The following KHDRBS2 variants were observed in gnomAD, a reference collection of about 807,000 sequenced individuals.
KHDRBS2 encodes the protein KH RNA binding domain containing, signal transduction associated 2, also known as KH domain-containing, RNA-binding, signal transduction-associated protein 2.
Under a neutral mutation model 44.3 loss-of-function variants are expected in KHDRBS2, and 26 were observed. The observed-to-expected ratio is 0.59, with a 90% CI of 0.43 to 0.81. The LOEUF (loss-of-function observed/expected upper bound fraction) is 0.81. Among genes scored for constraint, KHDRBS2 ranks in the 40% least tolerant of loss-of-function variants. The probability of loss-of-function intolerance (pLI) is 0.00; values close to 1 mark genes in which losing one functional copy is unlikely to be tolerated. For missense variants in KHDRBS2, 476 were observed against 433.1 expected, an observed-to-expected ratio of 1.10 and a Z score of -0.88; for synonymous variants, 194 against 151.1, an observed-to-expected ratio of 1.28 and a Z score of -2.08.
chr6:61,652,545 A>C, the KHDRBS2 span, among the ~76,000 whole-genome samples: 9 of 152,228 alleles, frequency 5.9e-5, no homozygotes, highest in Middle Eastern at 3.4e-3. Context: ...CTATGAAGGA[A>C]ATGAACAGGT....
intron 7 of KHDRBS2, among the ~76,000 whole-genome samples, chr6:61,700,749 A>G (rs913983436): frequency 2.0e-5 from 3 of 151,134 alleles, no homozygotes; most frequent in African/African-American, 7.3e-5. Flanking sequence ...CTCAGTTGGT[A>G]GAAGGCATTC....
At chr6:61,731,053 A>T (rs1053734164) in intron 7 of KHDRBS2, among the ~76,000 whole-genome samples, 2 of 151,986 alleles carry the variant, frequency 1.3e-5, no homozygotes, top group Non-Finnish European at 2.9e-5. Context: ...GTCTATTCTA[A>T]TTGTGTTTGT....
At chr6:61,718,312 C>A (rs1021721661) in intron 7 of KHDRBS2, among the ~76,000 whole-genome samples, 2 of 152,026 alleles carry the variant, frequency 1.3e-5, no homozygotes, top group Non-Finnish European at 2.9e-5. Context: ...ACTGTATATT[C>A]TTTCTTTTGC....
rs1219944314 is a variant in KHDRBS2, at chr6:61,947,677, GA to G, written c.483+30388del. Among the ~76,000 whole-genome samples the G allele has an allele frequency of 9.2e-5, 14 of 151,454 alleles. No homozygotes were observed. The East Asian group carries it at 1.7e-3, about 19-fold the overall frequency. ...AAGGGTTTTAAATAAAGACATACAA[GA>G]AAAAAAAGTAGTGTGAATTTTCAGC... On this transcript the variant is annotated intron_variant, in intron 4 of 8. Transcript: ENST00000281156.
At chr6:61,959,392 C>T (rs1502937) in intron 4 of KHDRBS2, among the ~76,000 whole-genome samples, 8,777 of 152,152 alleles carry the variant, frequency 0.058, 296 homozygotes, top group Middle Eastern at 0.14. Flanking sequence ...TAAAATGATC[C>T]ACCACACACT....
intron 1 of KHDRBS2, among the ~76,000 whole-genome samples, chr6:62,179,945 G>A (rs556214888): frequency 6.6e-6 from 1 of 151,784 alleles, no homozygotes; most frequent in Non-Finnish European, 1.5e-5. Flanking sequence ...ATCAATACTT[G>A]TATTTGTCAA....
intron 6 of KHDRBS2, among the ~76,000 whole-genome samples, chr6:61,845,317 T>G (rs1794229008): frequency 2.0e-5 from 3 of 150,798 alleles, no homozygotes; most frequent in South Asian, 4.2e-4. Context: ...TTGTTTTTTT[T>G]TTTTTTTTTT....
At position 62,252,078 on chromosome 6, in the gene KHDRBS2, G is replaced by T. The variant is rs201774416; in HGVS notation, c.91+33780C>A. Among the ~76,000 whole-genome samples the T allele has an allele frequency of 4.6e-5, 7 of 151,882 alleles. No individual in the cohort carries two copies. In the East Asian group the frequency reaches 9.7e-4, roughly 21 times the overall value. ...TAATATTTATTGACTAAATTTATGA[G>T]GAGAGGTATAATAAAATTTTTAGAA... is the stretch of plus-strand genomic sequence containing the variant. On this transcript the variant is annotated intron_variant, in intron 1 of 8. Coordinates refer to ENST00000281156, the MANE Select transcript of KHDRBS2 (RefSeq NM_152688.4).
At chr6:62,102,685 C>T (rs558603357) in intron 2 of KHDRBS2, among the ~76,000 whole-genome samples, 3 of 152,288 alleles carry the variant, frequency 2.0e-5, no homozygotes, top group African/African-American at 7.2e-5. Context: ...TGCCAGGCAC[C>T]AGCAGAGGGT....
Position 62,065,713 on chromosome 6 carries a change from G to C in KHDRBS2, c.220-17719C>G, listed in dbSNP as rs930286907. On this transcript the variant is annotated intron_variant, in intron 2 of 8. Transcript: ENST00000281156. ...ACGAGTTAGTGGGTGCAGCGCACCA[G>C]CATGGCACATGTATACATATGTAAC... 2.0e-5 allele frequency among the ~76,000 whole-genome samples: 3 copies of C among 149,238 alleles called. No homozygotes were observed. The South Asian group carries it at 6.5e-4, about 32-fold the overall frequency.
the KHDRBS2 span, among the ~76,000 whole-genome samples, chr6:61,631,972 A>G: frequency 1.3e-5 from 2 of 152,174 alleles, no homozygotes; most frequent in African/African-American, 4.8e-5. Context: ...TGATGTAAAT[A>G]TAGATTTTGA....
chr6:62,253,756 G>A (rs980783277), intron 1 of KHDRBS2, among the ~76,000 whole-genome samples: 2 of 152,070 alleles, frequency 1.3e-5, no homozygotes, highest in Non-Finnish European at 1.5e-5. Context: ...ATCTGACCCT[G>A]AGGCCCAAAT....
the KHDRBS2 span, among the ~76,000 whole-genome samples, chr6:61,554,604 T>C: frequency 6.6e-6 from 1 of 152,218 alleles, no homozygotes; most frequent in East Asian, 1.9e-4. Flanking sequence ...CTTTATATTG[T>C]CATTGACCTA....
chr6:61,704,235 C>A (rs1438488512), intron 7 of KHDRBS2, among the ~76,000 whole-genome samples: 2 of 151,832 alleles, frequency 1.3e-5, no homozygotes, highest in Non-Finnish European at 2.9e-5. Flanking sequence ...TACATACATT[C>A]AGTCTGTTTT....
intron 6 of KHDRBS2, among the ~76,000 whole-genome samples, chr6:61,887,094 A>C (rs1019762016): frequency 7.8e-6 from 1 of 128,824 alleles, no homozygotes; most frequent in Middle Eastern, 3.6e-3. Context: ...GAGGAAACAC[A>C]ATGTATCAGA....
chr6:62,148,668 C>T (rs746175804), intron 2 of KHDRBS2, among the ~76,000 whole-genome samples: 41 of 151,830 alleles, frequency 2.7e-4, no homozygotes, highest in Non-Finnish European at 4.9e-4. Context: ...CATTTGCTCA[C>T]GAAAAAAATC....
At chr6:61,552,756 CAT>C in the KHDRBS2 span, among the ~76,000 whole-genome samples, 3 of 152,060 alleles carry the variant, frequency 2.0e-5, no homozygotes, top group Non-Finnish European at 4.4e-5. Context: ...ACAAAATAAT[CAT>C]GTGGTTTTTG....
At chr6:62,132,972 A>T (rs868502026) in intron 2 of KHDRBS2, among the ~76,000 whole-genome samples, 1 of 152,250 alleles carries the variant, frequency 6.6e-6, no homozygotes, top group Non-Finnish European at 1.5e-5. Context: ...AAAGGGCCAC[A>T]TAGTAAAGTA....
chr6:61,964,948 ATATTTTAATGTTTCACTT>A (rs1465009183), intron 4 of KHDRBS2, among the ~76,000 whole-genome samples: 1 of 152,132 alleles, frequency 6.6e-6, no homozygotes, highest in Non-Finnish European at 1.5e-5. Context: ...AAATATTTAG[ATATTTTAATGTTTCACTT>A]TATATTTCAG....
Sources: gnomAD v4.1 joint callset for allele counts (sites outside exome capture counted in the v4.1 genomes callset) on GRCh38, gnomAD v4.1.1 for gene constraint, MANE v1.5 for transcripts, NCBI Gene and HGNC (gene_info 2026-07-23, HGNC 2026-07-21) for gene names.